SCAND3: variants seen among roughly 807,000 people sequenced by gnomAD.
The protein encoded by SCAND3 is SCAN domain containing 3, also known as SCAN domain-containing protein 3.
At chr6:28,581,650 ATATT>A in the SCAND3 span, among the ~76,000 whole-genome samples, 2 of 152,162 alleles carry the variant, frequency 1.3e-5, no homozygotes, top group African/African-American at 4.8e-5. Context: ...GCCAGATATC[ATATT>A]AGTGTTCAAG....
chr6:28,594,805 C>T, the SCAND3 span, among the ~76,000 whole-genome samples: 1 of 151,890 alleles, frequency 6.6e-6, no homozygotes, highest in Admixed American at 6.6e-5. Flanking sequence ...CATGATCTCA[C>T]TTATATGTGG....
At chr6:28,573,800 A>G in the SCAND3 span, 1 of 1,543,358 alleles carries the variant, frequency 6.5e-7, no homozygotes, top group Non-Finnish European at 8.7e-7. Flanking sequence ...TTCTTGACAA[A>G]AAAGTCCAGT....
chr6:28,597,422 AC>A, the SCAND3 span, among the ~76,000 whole-genome samples: 1 of 152,216 alleles, frequency 6.6e-6, no homozygotes, highest in Admixed American at 6.5e-5. Context: ...CCACCTCGTC[AC>A]ATGCTAAGCG....
the SCAND3 span, among the ~76,000 whole-genome samples, chr6:28,595,648 G>C: frequency 1.3e-5 from 2 of 152,000 alleles, no homozygotes; most frequent in Non-Finnish European, 2.9e-5. Context: ...CATGAACCCA[G>C]GAGGTGGAGG....
At chr6:28,577,002 G>A in the SCAND3 span, among the ~76,000 whole-genome samples, 2 of 151,936 alleles carry the variant, frequency 1.3e-5, no homozygotes, top group South Asian at 2.1e-4. Flanking sequence ...ATTCAGTCAG[G>A]TTAGCTATTA....
chr6:28,591,113 G>A, the SCAND3 span: 41,009 of 152,052 alleles, frequency 0.27, 6,474 homozygotes, highest in African/African-American at 0.43. Context: ...CACATCCATC[G>A]TCAAGCATCC....
chr6:28,613,696 A>C, the SCAND3 span, among the ~76,000 whole-genome samples: 1 of 152,152 alleles, frequency 6.6e-6, no homozygotes. Context: ...AATTTTACTG[A>C]GTACTTTGTC....
At chr6:28,610,422 C>T in the SCAND3 span, among the ~76,000 whole-genome samples, 2 of 152,044 alleles carry the variant, frequency 1.3e-5, 1 homozygote, top group Non-Finnish European at 2.9e-5. Flanking sequence ...ACTCAGGAGG[C>T]TGAGGCAGGA....
the SCAND3 span, chr6:28,575,984 T>C: frequency 1.2e-6 from 2 of 1,613,772 alleles, no homozygotes; most frequent in Admixed American, 1.7e-5. The surrounding 1 kb of genome is among the most constrained non-coding windows in gnomAD (Gnocchi z 4.2). Flanking sequence ...AATATCTTAG[T>C]ATTATTACTT....
chr6:28,610,026 A>C, the SCAND3 span, among the ~76,000 whole-genome samples: 1 of 152,160 alleles, frequency 6.6e-6, no homozygotes, highest in Non-Finnish European at 1.5e-5. Context: ...GGAGTTCGAG[A>C]CCAGCCTAGC....
At chr6:28,596,127 G>A in the SCAND3 span, among the ~76,000 whole-genome samples, 5 of 152,182 alleles carry the variant, frequency 3.3e-5, no homozygotes, top group Non-Finnish European at 7.3e-5. Flanking sequence ...CAGTATTACA[G>A]ATATACACAT....
At chr6:28,579,166 A>G in the SCAND3 span, 4 of 1,027,862 alleles carry the variant, frequency 3.9e-6, no homozygotes, top group Non-Finnish European at 5.7e-6. The surrounding 1 kb of genome is among the most constrained non-coding windows in gnomAD (Gnocchi z 4.5). Flanking sequence ...TCAACTATTA[A>G]TACATTCAGT....
At chr6:28,599,335 A>C in the SCAND3 span, among the ~76,000 whole-genome samples, 1 of 152,254 alleles carries the variant, frequency 6.6e-6, no homozygotes. Context: ...TGGAAAGGCA[A>C]AAGATTCAGA....
the SCAND3 span, among the ~76,000 whole-genome samples, chr6:28,601,547 T>C: frequency 6.6e-6 from 1 of 152,084 alleles, no homozygotes; most frequent in African/African-American, 2.4e-5. Flanking sequence ...GGGGACAGGG[T>C]CTTGCTCTGT....
At chr6:28,584,518 C>G in the SCAND3 span, among the ~76,000 whole-genome samples, 1 of 152,144 alleles carries the variant, frequency 6.6e-6, no homozygotes, top group African/African-American at 2.4e-5. Flanking sequence ...TAATCACAGG[C>G]TTTAGCTTTA....
chr6:28,601,409 T>TA, the SCAND3 span, among the ~76,000 whole-genome samples: 2 of 152,228 alleles, frequency 1.3e-5, no homozygotes, highest in African/African-American at 4.8e-5. Flanking sequence ...TCTCTAACTT[T>TA]ATGTAAGTTT....
At chr6:28,572,577 A>C in the SCAND3 span, 1 of 1,613,972 alleles carries the variant, frequency 6.2e-7, no homozygotes, top group African/African-American at 1.3e-5. This position sits in a 1 kb window ranked among gnomAD's most constrained non-coding sequence, Gnocchi z 4.1. Flanking sequence ...TATCAGACAA[A>C]TAAGCAAGTC....
chr6:28,579,202 A>G, the SCAND3 span: 5 of 1,405,118 alleles, frequency 3.6e-6, no homozygotes, highest in Admixed American at 2.0e-5. The surrounding 1 kb of genome is among the most constrained non-coding windows in gnomAD (Gnocchi z 4.5). Flanking sequence ...ATGAGGTTTG[A>G]TAACTTTCAA....
chr6:28,584,310 G>A, the SCAND3 span, among the ~76,000 whole-genome samples: 1 of 152,088 alleles, frequency 6.6e-6, no homozygotes, highest in Admixed American at 6.5e-5. Flanking sequence ...GTGGCTTGGT[G>A]TATCACTGAG....
Sources: allele counts gnomAD v4.1 joint callset (sites outside exome capture counted in the v4.1 genomes callset), GRCh38; gene constraint gnomAD v4.1.1; non-coding constraint Gnocchi (gnomAD v3.1); transcripts MANE v1.5; gene names NCBI Gene and HGNC (gene_info 2026-07-23, HGNC 2026-07-21).